BTAF1: variants seen among roughly 807,000 people sequenced by gnomAD.
BTAF1 encodes B-TFIID TATA-box binding protein associated factor 1.
Under a neutral mutation model 227.1 loss-of-function variants are expected in BTAF1, and 38 were observed. That is an observed-to-expected ratio of 0.17 (90% confidence interval 0.13 to 0.22). The LOEUF is 0.22. Ranked by LOEUF, BTAF1 falls within the 10% of genes least tolerant of loss-of-function variation. BTAF1 has a pLI of 1.00. For synonymous variants in BTAF1, 742 were observed against 751.9 expected (o/e 0.99, Z 0.21); for missense variants, 1,598 against 2,204.0 (o/e 0.73, Z 5.51).
chr10:92,029,030 T>A lies in BTAF1; in HGVS notation c.*97T>A. On this transcript the variant is annotated 3_prime_UTR_variant, in exon 38 of 38. Coordinates refer to ENST00000265990, the MANE Select transcript of BTAF1 (RefSeq NM_003972.3). Reference sequence around the variant, plus strand: ...TTTATGGTGAACTTTTAACTCAATGTGTAAATAGATCTGGAGAATATTCAG... The same window carrying A: ...TTTATGGTGAACTTTTAACTCAATGAGTAAATAGATCTGGAGAATATTCAG... The A allele has an allele frequency of 8.9e-7, 1 of 1,120,734 alleles. No individual in the cohort carries two copies. The highest frequency in any genetic ancestry group is 1.3e-6 in the Non-Finnish European group (1 of 796,578). The allele number at this position is 1,120,734 out of a possible 1,614,324, so 69.4% of individuals were successfully genotyped here. A position where few individuals can be genotyped will look rare whatever the true frequency, so the allele number is the denominator to read the frequency against.
intron 34 of BTAF1, among the ~76,000 whole-genome samples, chr10:92,023,370 G>C (rs1851275116): frequency 6.6e-6 from 1 of 152,154 alleles, no homozygotes; most frequent in South Asian, 2.1e-4. Flanking sequence ...TCTGTTAGTA[G>C]AAAGGAGAAA....
rs185817614 is a variant in BTAF1, at chr10:91,948,776, A to G, written c.401-2627A>G. 2.7e-5 allele frequency among the ~76,000 whole-genome samples: 4 copies of G among 149,316 alleles called. No individual in the cohort carries two copies. In the East Asian group the frequency reaches 8.1e-4, roughly 30 times the overall value. ...CTTTTTAAAGTGTACAATTCTATATATTTTTAAAATTTTTTGTCCAGATGG... is the reference window on the plus strand; with the variant it reads ...CTTTTTAAAGTGTACAATTCTATATGTTTTTAAAATTTTTTGTCCAGATGG... On this transcript the variant is annotated intron_variant, in intron 4 of 37. Coordinates refer to ENST00000265990, the MANE Select transcript of BTAF1 (RefSeq NM_003972.3).
chr10:92,013,535 C>A, intron 30 of BTAF1, 132 bp from the exon 31 acceptor site: 3 of 1,175,416 alleles, frequency 2.6e-6, no homozygotes, highest in Non-Finnish European at 3.7e-6. Context: ...TAAAGACTTA[C>A]ACCATATGTC....
At chr10:91,998,091 A>G (rs1028609540) in intron 25 of BTAF1, among the ~76,000 whole-genome samples, 1 of 150,412 alleles carries the variant, frequency 6.6e-6, no homozygotes, top group Non-Finnish European at 1.5e-5. Context: ...GTGCCACTGC[A>G]CTGTATGTAT....
Position 92,001,981 on chromosome 10 carries a change from TATATACACACAC to T in BTAF1, c.3660+4232_3660+4243del, listed in dbSNP as rs1410762112. 2.4e-4 allele frequency among the ~76,000 whole-genome samples: 22 copies of T among 92,878 alleles called. 1 individual carries two copies. Among genetic ancestry groups the T allele is most frequent in the East Asian group, 6.9e-4 (2 of 2,882 alleles). The allele number at this position is 92,878 out of a possible 152,430, so 60.9% of individuals were successfully genotyped here. ...AAAAAAAAAAAACCATATATATATATATATACACACACACACACACACACACACACACACTCC... is the reference window on the plus strand; with the variant it reads ...AAAAAAAAAAAACCATATATATATATACACACACACACACACACACACTCC... On this transcript the variant is annotated intron_variant, in intron 25 of 37. Transcript: ENST00000265990.
intron 1 of BTAF1, among the ~76,000 whole-genome samples, chr10:91,927,346 C>T (rs1843926282): frequency 6.6e-6 from 1 of 152,132 alleles, no homozygotes; most frequent in African/African-American, 2.4e-5. Flanking sequence ...CCATGTTGGT[C>T]AGGCTGGCCT....
At chr10:91,935,923 CTTT>C in intron 2 of BTAF1, 143 bp downstream of exon 2, 10 of 599,000 alleles carry the variant, frequency 1.7e-5, no homozygotes, top group Non-Finnish European at 2.2e-5. Context: ...AAGACTTAAA[CTTT>C]TTTTTTTTTT....
intron 2 of BTAF1, among the ~76,000 whole-genome samples, chr10:91,936,786 C>T (rs773041032): frequency 6.6e-6 from 1 of 152,156 alleles, no homozygotes; most frequent in Non-Finnish European, 1.5e-5. Flanking sequence ...AAATGGAGGA[C>T]TGAATGACCT....
intron 19 of BTAF1, among the ~76,000 whole-genome samples, chr10:91,987,749 CTCTA>C (rs1234033242): frequency 7.2e-5 from 11 of 152,008 alleles, no homozygotes; most frequent in Non-Finnish European, 1.2e-4. Flanking sequence ...CTTCTAAATG[CTCTA>C]TCTCTTATCT....
At position 91,935,568 on chromosome 10, in the gene BTAF1, A is replaced by G. The variant is rs1032113075; in HGVS notation, c.15-89A>G. ...TTTATGTTAGCGTAGGTCTTCATTC[A>G]TAGCATCTGCTCAGTACGTTTATTG... On this transcript the variant is annotated intron_variant, in intron 1 of 37. Coordinates refer to ENST00000265990, the MANE Select transcript of BTAF1 (RefSeq NM_003972.3). The G allele has an allele frequency of 1.9e-5, 26 of 1,390,402 alleles. 1 individual carries two copies. Among genetic ancestry groups the G allele is most frequent in the South Asian group, 1.9e-4 (12 of 64,410 alleles). The allele number at this position is 1,390,402 out of a possible 1,614,324, so 86.1% of individuals were successfully genotyped here. A position where few individuals can be genotyped will look rare whatever the true frequency, so the allele number is the denominator to read the frequency against.
In BTAF1 at chr10:91,977,718, C is replaced by T. The variant is rs553746152; in HGVS notation, c.1651-2736C>T. 3.9e-5 allele frequency among the ~76,000 whole-genome samples: 6 copies of T among 152,234 alleles called. No individual in the cohort carries two copies. The South Asian group carries it at 1.2e-3, about 32-fold the overall frequency. ...GAGTTCCTGTTGATTCATATCCTGG[C>T]CAGCATTTGTTGTTGTCAGTGTTCT... On this transcript the variant is annotated intron_variant, in intron 14 of 37. Transcript: ENST00000265990.
At chr10:91,939,096 A>G (rs760918211) in intron 2 of BTAF1, among the ~76,000 whole-genome samples, 1 of 151,934 alleles carries the variant, frequency 6.6e-6, no homozygotes, top group Non-Finnish European at 1.5e-5. Context: ...CAAGGTGTCT[A>G]TTTAGATCTT....
At chr10:91,952,522 A>G (rs1013661965) in intron 5 of BTAF1, among the ~76,000 whole-genome samples, 1 of 152,222 alleles carries the variant, frequency 6.6e-6, no homozygotes, top group Admixed American at 6.5e-5. Flanking sequence ...GGCTGCATTA[A>G]CAATTCCTGC....
At chr10:91,979,851 C>T (rs887770002) in intron 14 of BTAF1, among the ~76,000 whole-genome samples, 2 of 152,010 alleles carry the variant, frequency 1.3e-5, no homozygotes, top group African/African-American at 4.8e-5. Flanking sequence ...GATCCCTGAA[C>T]CTTGGAAGCA....
At position 91,968,364 on chromosome 10, in the gene BTAF1, CT is replaced by C. The variant is rs527805417; in HGVS notation, c.1650+1611del. On this transcript the variant is annotated intron_variant, in intron 14 of 37. Transcript: ENST00000265990. ...ATATGAAATTAAGGTTTCTCCATGT[CT>C]TTTCATGTCATGGTAGCCCATTTCT... Among the ~76,000 whole-genome samples the C allele has an allele frequency of 3.3e-3, 510 of 152,320 alleles. 4 individuals are homozygous for C. The highest frequency in any genetic ancestry group is 5.8e-3 in the Admixed American group (88 of 15,300).
At chr10:91,926,087 T>C (rs1204195543) in intron 1 of BTAF1, among the ~76,000 whole-genome samples, 1 of 152,204 alleles carries the variant, frequency 6.6e-6, no homozygotes, top group African/African-American at 2.4e-5. Context: ...CTTTTTCACC[T>C]GTGGATTTCT....
In BTAF1 at chr10:91,982,380, C is replaced by A. The variant is rs1848127301; in HGVS notation, c.2048+155C>A. On this transcript the variant is annotated intron_variant, in intron 17 of 37. Coordinates refer to ENST00000265990, the MANE Select transcript of BTAF1 (RefSeq NM_003972.3). ...AAGGAAAAATTAGAGTAAGCAAATA[C>A]TTCTAATTATTTTAAAGCTTTAAAA... 3.1e-5 allele frequency: 34 copies of A among 1,081,222 alleles called. No individual in the cohort carries two copies. In the South Asian group the frequency reaches 5.7e-4, roughly 18 times the overall value. The allele number at this position is 1,081,222 out of a possible 1,614,324, so 67.0% of individuals were successfully genotyped here. A position where few individuals can be genotyped will look rare whatever the true frequency, so the allele number is the denominator to read the frequency against.
intron 25 of BTAF1, among the ~76,000 whole-genome samples, chr10:91,998,536 A>T (rs561230214): frequency 6.6e-6 from 1 of 152,312 alleles, no homozygotes; most frequent in South Asian, 2.1e-4. Flanking sequence ...TCATGGGGGC[A>T]CAAATAATGT....
At position 91,974,652 on chromosome 10, in the gene BTAF1, G is replaced by A. The variant is rs925049841; in HGVS notation, c.1651-5802G>A. Among the ~76,000 whole-genome samples the A allele has an allele frequency of 2.4e-4, 37 of 152,124 alleles. 1 individual carries two copies. Among genetic ancestry groups the A allele is most frequent in the Non-Finnish European group, 8.8e-5 (6 of 68,018 alleles). The stretch of plus-strand genomic sequence containing the variant: ...AGATCACTTGAGGTCAGGAGTTTGA[G>A]ACCAGCCTGGCTGACACAGTGAAAC... On this transcript the variant is annotated intron_variant, in intron 14 of 37. Transcript: ENST00000265990.
Sources: allele counts gnomAD v4.1 joint callset (sites outside exome capture counted in the v4.1 genomes callset), GRCh38; gene constraint gnomAD v4.1.1; transcripts MANE v1.5; gene names NCBI Gene and HGNC (gene_info 2026-07-23, HGNC 2026-07-21).